Variants in ADGRF1 observed in about 807,000 individuals in gnomAD.
ADGRF1 encodes G protein-coupled receptor 110.
A neutral mutation model predicts 87.2 loss-of-function variants in ADGRF1; 85 were observed. The observed-to-expected ratio is 0.97, with a 90% CI of 0.82 to 1.17. ADGRF1 has a LOEUF of 1.17. ADGRF1 is among the 50% of genes most tolerant of loss of function. The pLI, the probability that ADGRF1 is intolerant of heterozygous loss-of-function variation, is 0.00. For missense variants in ADGRF1, 1,169 were observed against 1,077.2 expected, an observed-to-expected ratio of 1.09 and a Z score of -1.19; for synonymous variants, 430 against 408.8, an observed-to-expected ratio of 1.05 and a Z score of -0.63.
In ADGRF1 at chr6:47,012,188, C is replaced by G. The variant is rs1027134054; in HGVS notation, c.935G>C (p.Ser312Thr). 16 of 1,605,428 alleles carry G rather than the reference C, an allele frequency of 1.0e-5. No individual in the cohort carries two copies. The highest frequency in any genetic ancestry group is 1.3e-5 in the Non-Finnish European group (15 of 1,172,652). The change falls in exon 10 of 15, where the codon AGT becomes ACT. Residue 312 changes from serine to threonine, a missense_variant. By Grantham distance (58) the Ser-to-Thr change is moderately conservative. Transcript: ENST00000371253. ...SLLEELNKNF[S>T]MIVGNATEAA... ...CTCAGTGGCATTGCCTACAATCATA[C>G]TGAAATTCTAGAAGCGAAAATGGTT...
intron 12 of ADGRF1, among the ~76,000 whole-genome samples, chr6:47,006,888 T>C (rs1779548737): frequency 6.6e-6 from 1 of 152,232 alleles, no homozygotes; most frequent in African/African-American, 2.4e-5. Flanking sequence ...TATTTCAGCA[T>C]ATTCTAAATA....
rs1056566703 is a variant in ADGRF1, at chr6:47,004,070, A to T, written c.2592+1747T>A. Reference sequence around the variant, plus strand: ...TCTTATTTGTTTTCAGAGTCTCTTCACTGGCTCACCCCTCCCAACATATGA... The same window carrying T: ...TCTTATTTGTTTTCAGAGTCTCTTCTCTGGCTCACCCCTCCCAACATATGA... On this transcript the variant is annotated intron_variant, in intron 13 of 14. Transcript: ENST00000371253. 3.3e-5 allele frequency among the ~76,000 whole-genome samples: 5 copies of T among 152,068 alleles called. No individual in the cohort carries two copies. The East Asian group carries it at 5.8e-4, about 18-fold the overall frequency.
At chr6:47,037,416 T>C (rs953661951) in intron 1 of ADGRF1, among the ~76,000 whole-genome samples, 2 of 152,216 alleles carry the variant, frequency 1.3e-5, no homozygotes, top group Non-Finnish European at 2.9e-5. Context: ...TCTTTAAAAC[T>C]TTTGCCTTAT....
At chr6:47,035,607 A>G (rs546462015) in intron 1 of ADGRF1, among the ~76,000 whole-genome samples, 1 of 152,264 alleles carries the variant, frequency 6.6e-6, no homozygotes, top group Non-Finnish European at 1.5e-5. Flanking sequence ...AATACAACGA[A>G]TTTTTTAACT....
intron 14 of ADGRF1, among the ~76,000 whole-genome samples, chr6:47,000,995 T>C (rs369403461): frequency 6.6e-6 from 1 of 152,228 alleles, no homozygotes; most frequent in South Asian, 2.1e-4. Flanking sequence ...TCAATGAACA[T>C]AGGGCCAGTG....
At position 47,016,638 on chromosome 6, in the gene ADGRF1, A is replaced by T. The variant is rs1779887283; in HGVS notation, c.742T>A (p.Ser248Thr). ...TTACCTTTTCCGAACACTCTGAAAGAGCCGTCTTCTAATGGAAACAGCTTG... is the reference window on the plus strand; with the variant it reads ...TTACCTTTTCCGAACACTCTGAAAGTGCCGTCTTCTAATGGAAACAGCTTG... ...LHKLFPLEDG[S>T]FRVFGKAQCN... The change falls in exon 8 of 15, where the codon TCT (serine) becomes ACT (threonine). Residue 248 changes from serine to threonine, a missense_variant. Ser to Thr is a moderately conservative substitution (Grantham distance 58). Coordinates refer to ENST00000371253, the MANE Select transcript of ADGRF1 (RefSeq NM_153840.4). 1 of 1,609,492 alleles carries T rather than the reference A, an allele frequency of 6.2e-7. No individual in the cohort carries two copies. Among genetic ancestry groups the T allele is most frequent in the African/African-American group, 1.3e-5 (1 of 74,842 alleles).
In ADGRF1 at chr6:47,004,416, G is replaced by A. The variant is rs558279114; in HGVS notation, c.2592+1401C>T. ...CCTAATTTGGAAATGAAATTGGGGA[G>A]AAGGTACAAATACAGACACTGCCTT... On this transcript the variant is annotated intron_variant, in intron 13 of 14. Coordinates refer to ENST00000371253, the MANE Select transcript of ADGRF1 (RefSeq NM_153840.4). 7.9e-5 allele frequency among the ~76,000 whole-genome samples: 12 copies of A among 152,348 alleles called. No homozygotes were observed. The East Asian group carries it at 2.3e-3, about 29-fold the overall frequency.
In ADGRF1 at chr6:47,010,162, A is replaced by G; in HGVS notation, c.1273T>C (p.Ser425Pro). 6.2e-7 allele frequency: 1 copy of G among 1,614,162 alleles called. No homozygotes were observed. Among genetic ancestry groups the G allele is most frequent in the Non-Finnish European group, 8.5e-7 (1 of 1,180,022 alleles). ...CCTTTCCAGTCAATGAATTTCCGAG[A>G]AAAATTCAGAGGAAGAGCTGTCGGA... is the stretch of plus-strand genomic sequence containing the variant. Reference protein sequence around the residue: ...VPPTALPLNFSRKFIDWKGIP... With the variant: ...VPPTALPLNFPRKFIDWKGIP... Residue 425 changes from serine (S) to proline (P), a missense_variant, in exon 11 of 15, where the codon TCT becomes CCT. Ser to Pro is a moderately conservative substitution (Grantham distance 74). Coordinates refer to ENST00000371253, the MANE Select transcript of ADGRF1 (RefSeq NM_153840.4).
intron 4 of ADGRF1, 41 bp from the exon 5 acceptor site, chr6:47,024,258 A>G (rs1465986774): frequency 1.4e-6 from 2 of 1,440,046 alleles, no homozygotes; most frequent in Non-Finnish European, 1.9e-6. Flanking sequence ...ATTCTGGTTT[A>G]TAAACTGACT....
chr6:47,025,863 C>T lies in ADGRF1; in HGVS notation c.268G>A (p.Ala90Thr). 1 of 1,597,830 alleles carries T rather than the reference C, an allele frequency of 6.3e-7. No homozygotes were observed. The highest frequency in any genetic ancestry group is 8.5e-7 in the Non-Finnish European group (1 of 1,170,072). Residue 90 changes from alanine to threonine, a missense_variant, in exon 4 of 15, where the codon GCT (alanine) becomes ACT (threonine). Coordinates refer to ENST00000371253, the MANE Select transcript of ADGRF1 (RefSeq NM_153840.4). ...HGLIRIIRAK[A>T]TTDCNSLNGV... ...CCGAGAGCCACCTTACCTGTGGTAG[C>T]CTTTGCTCTGATAATTCTAATTAGC...
chr6:47,023,223 G>T (rs376954638), intron 5 of ADGRF1, among the ~76,000 whole-genome samples: 18 of 152,318 alleles, frequency 1.2e-4, no homozygotes, highest in African/African-American at 3.4e-4. Flanking sequence ...GACAGCAAGA[G>T]AAATTCTTCT....
intron 1 of ADGRF1, among the ~76,000 whole-genome samples, chr6:47,039,378 G>A (rs1343035326): frequency 6.6e-6 from 1 of 152,172 alleles, no homozygotes; most frequent in Admixed American, 6.5e-5. Context: ...TCTATGAAAT[G>A]CTAGGGCATA....
At chr6:47,033,361 A>G (rs1780490967) in intron 1 of ADGRF1, among the ~76,000 whole-genome samples, 1 of 152,208 alleles carries the variant, frequency 6.6e-6, no homozygotes, top group African/African-American at 2.4e-5. Flanking sequence ...TTTCAGTTAT[A>G]TACTTACGGA....
chr6:47,015,574 C>CTATTTATTTATT (rs374537407), intron 8 of ADGRF1, among the ~76,000 whole-genome samples: 13,024 of 149,214 alleles, frequency 0.087, 1,500 homozygotes, highest in African/African-American at 0.25. Flanking sequence ...CGATGCCTGG[C>CTATTTATTTATT]TATTTATTTA....
At position 47,009,814 on chromosome 6, in the gene ADGRF1, G is replaced by T; in HGVS notation, c.1621C>A (p.His541Asn). ...CAGCCTGCATCGTTCCACTGCAAAT[G>T]ACTGAAATCCCAAAACACACAATGA... ...QPHCVFWDFSHLQWNDAGCHL... is the reference protein window; with the variant it reads ...QPHCVFWDFSNLQWNDAGCHL... Residue 541 changes from histidine to asparagine, a missense_variant, in exon 11 of 15, where the codon CAT (histidine) becomes AAT (asparagine). Coordinates refer to ENST00000371253, the MANE Select transcript of ADGRF1 (RefSeq NM_153840.4). 2 of 1,614,094 alleles carry T rather than the reference G, an allele frequency of 1.2e-6. No homozygotes were observed. The highest frequency in any genetic ancestry group is 8.5e-7 in the Non-Finnish European group (1 of 1,180,006).
intron 10 of ADGRF1, 38 bp downstream of exon 10, chr6:47,011,969 C>G: frequency 6.4e-7 from 1 of 1,571,676 alleles, no homozygotes; most frequent in Non-Finnish European, 8.7e-7. Context: ...CAGGATCAAG[C>G]ATTTAAAGTG....
At chr6:47,024,856 A>G (rs1780178248) in intron 4 of ADGRF1, among the ~76,000 whole-genome samples, 1 of 152,236 alleles carries the variant, frequency 6.6e-6, no homozygotes, top group Admixed American at 6.5e-5. Context: ...TGGGATTAGC[A>G]TGCAAAAGAA....
chr6:47,016,502 C>A, intron 8 of ADGRF1, 115 bp downstream of exon 8: 1 of 1,166,956 alleles, frequency 8.6e-7, no homozygotes, highest in South Asian at 2.0e-5. Context: ...TGCTGAAAGG[C>A]AGTTAGAGAA....
At chr6:47,023,970 A>T in intron 5 of ADGRF1, 74 bp downstream of exon 5, 2 of 1,337,234 alleles carry the variant, frequency 1.5e-6, no homozygotes, top group Admixed American at 4.2e-5. Flanking sequence ...TAGCTAGACA[A>T]TGAGCAAGCG....
Sources: gnomAD v4.1 joint callset for allele counts (sites outside exome capture counted in the v4.1 genomes callset) on GRCh38, gnomAD v4.1.1 for gene constraint, MANE v1.5 for transcripts, NCBI Gene and HGNC (gene_info 2026-07-23, HGNC 2026-07-21) for gene names.